THSD4: variants seen among roughly 807,000 people sequenced by gnomAD.
The protein encoded by THSD4 is thrombospondin type 1 domain containing 4.
Under a neutral mutation model 119.0 loss-of-function variants are expected in THSD4, and 69 were observed. The observed-to-expected ratio is 0.58, with a 90% CI of 0.48 to 0.71. The LOEUF (loss-of-function observed/expected upper bound fraction) is 0.71. Among genes scored for constraint, THSD4 ranks in the 30% least tolerant of loss-of-function variants. The pLI, the probability that THSD4 is intolerant of heterozygous loss-of-function variation, is 0.00. For missense variants in THSD4, 1,393 were observed against 1,391.1 expected, an observed-to-expected ratio of 1.00 and a Z score of -0.02; for synonymous variants, 524 against 540.4, an observed-to-expected ratio of 0.97 and a Z score of 0.42.
chr15:71,586,610 C>T (rs914007721), intron 7 of THSD4, among the ~76,000 whole-genome samples: 1 of 152,154 alleles, frequency 6.6e-6, no homozygotes, highest in African/African-American at 2.4e-5. Flanking sequence ...TACTTCAAAC[C>T]TGTGACCAGA....
intron 6 of THSD4, among the ~76,000 whole-genome samples, chr15:71,299,499 G>T (rs149685840): frequency 2.6e-4 from 40 of 152,324 alleles, no homozygotes; most frequent in African/African-American, 9.6e-4. Context: ...TATCTCACTT[G>T]TATGTGAAAT....
chr15:71,335,832 A>C (rs780770837), intron 6 of THSD4, among the ~76,000 whole-genome samples: 4 of 152,072 alleles, frequency 2.6e-5, no homozygotes, highest in Non-Finnish European at 5.9e-5. Flanking sequence ...TTTCCTGCAG[A>C]ATTAGGATGT....
chr15:71,672,108 T>C (rs1595850325), intron 8 of THSD4, among the ~76,000 whole-genome samples: 1 of 152,364 alleles, frequency 6.6e-6, no homozygotes, highest in African/African-American at 2.4e-5. Flanking sequence ...TGATTCTTCC[T>C]ATCCATGAGC....
In THSD4 at chr15:71,442,664, A is replaced by ATGTATG. The variant is rs1414242246; in HGVS notation, c.1152+30842_1152+30843insGTATGT. ...TGTATATGTGTGTGTGTGTGTGTAT[A>ATGTATG]TATATATATATATATATATATATAT... On this transcript the variant is annotated intron_variant, in intron 7 of 17. Transcript: ENST00000261862. Among the ~76,000 whole-genome samples, 12 of 33,466 alleles carry ATGTATG rather than the reference A, an allele frequency of 3.6e-4. 1 individual carries two copies. Among genetic ancestry groups the ATGTATG allele is most frequent in the Admixed American group, 1.1e-3 (3 of 2,854 alleles). The allele number at this position is 33,466 out of a possible 152,430, so 22.0% of individuals were successfully genotyped here.
At chr15:71,341,403 G>T in intron 6 of THSD4, 2 of 1,611,890 alleles carry the variant, frequency 1.2e-6, no homozygotes, top group Non-Finnish European at 1.7e-6. Context: ...AAACCCTTAA[G>T]TTCAGCATTA....
In THSD4 at chr15:71,384,638, CCTT is replaced by C. The variant is rs534858123; in HGVS notation, c.1016-27045_1016-27043del. On this transcript the variant is annotated intron_variant, in intron 6 of 17. Coordinates refer to ENST00000261862, the MANE Select transcript of THSD4 (RefSeq NM_024817.3). ...AAAAGAGGCAATAAAATTTTTGAAA[CCTT>C]CTTAGAAGCATCTGCACATCAATAG... Among the ~76,000 whole-genome samples, 391 of 152,258 alleles carry C rather than the reference CCTT, an allele frequency of 2.6e-3. 3 individuals carry two copies. Among genetic ancestry groups the C allele is most frequent in the Non-Finnish European group, 4.4e-3 (301 of 68,018 alleles).
intron 6 of THSD4, among the ~76,000 whole-genome samples, chr15:71,396,127 C>T (rs1288399355): frequency 1.3e-5 from 2 of 152,094 alleles, no homozygotes; most frequent in African/African-American, 4.8e-5. Context: ...GATGTGCACA[C>T]ACATATCTAC....
intron 16 of THSD4, among the ~76,000 whole-genome samples, chr15:71,766,380 AG>A (rs2053717623): frequency 6.6e-6 from 1 of 152,138 alleles, no homozygotes; most frequent in African/African-American, 2.4e-5. Context: ...AAGATCTTCA[AG>A]CAGAGGCTGT....
rs111877512 is a variant in THSD4 at position 71,676,627 on chromosome 15, C to T, written c.1357+15893C>T. ...AAGCTGTACTCAGTAAACAATAGCC[C>T]CCTTCTTTCCCCGTCCTCCAAGCCC... On this transcript the variant is annotated intron_variant, in intron 8 of 17. Transcript: ENST00000261862. Among the ~76,000 whole-genome samples, 1,443 of 152,168 alleles carry T rather than the reference C, an allele frequency of 9.5e-3. 23 individuals carry two copies. Among genetic ancestry groups the T allele is most frequent in the African/African-American group, 0.033 (1,368 of 41,518 alleles).
intron 7 of THSD4, among the ~76,000 whole-genome samples, chr15:71,443,430 A>AT (rs1393356536): frequency 1.1e-4 from 2 of 18,718 alleles, no homozygotes; most frequent in Non-Finnish European, 4.3e-4. Context: ...AGAAAAACAG[A>AT]TCCCTCTCTC....
At chr15:71,636,967 C>T (rs1403531065) in intron 7 of THSD4, among the ~76,000 whole-genome samples, 1 of 151,424 alleles carries the variant, frequency 6.6e-6, no homozygotes, top group East Asian at 2.0e-4. Flanking sequence ...TCACTACAGC[C>T]TCCACCTCCC....
At chr15:71,358,680 A>G (rs896845494) in intron 6 of THSD4, among the ~76,000 whole-genome samples, 1 of 152,212 alleles carries the variant, frequency 6.6e-6, no homozygotes, top group Non-Finnish European at 1.5e-5. Context: ...AAATGAAGTA[A>G]TACACGTAAA....
intron 3 of THSD4, among the ~76,000 whole-genome samples, chr15:71,211,577 C>T (rs1442458143): frequency 6.6e-6 from 1 of 152,074 alleles, no homozygotes; most frequent in East Asian, 1.9e-4. Context: ...TCCCAAAGGC[C>T]CCACCTCCAA....
At chr15:71,097,594 A>G (rs1263952840) in intron 1 of THSD4, among the ~76,000 whole-genome samples, 2 of 151,258 alleles carry the variant, frequency 1.3e-5, no homozygotes, top group Non-Finnish European at 2.9e-5. Flanking sequence ...CAACCAAATG[A>G]GACAACAAAG....
At chr15:71,670,735 A>G (rs2051508996) in intron 8 of THSD4, among the ~76,000 whole-genome samples, 1 of 151,408 alleles carries the variant, frequency 6.6e-6, no homozygotes, top group African/African-American at 2.4e-5. Context: ...TATGAGTGAG[A>G]ACATGCGGTG....
intron 7 of THSD4, among the ~76,000 whole-genome samples, chr15:71,412,104 G>C (rs549860182): frequency 6.6e-6 from 1 of 152,212 alleles, no homozygotes; most frequent in Non-Finnish European, 1.5e-5. Context: ...ATCTTTGCGA[G>C]TTGGATCTGG....
chr15:71,566,770 A>AT (rs2049249037), intron 7 of THSD4, among the ~76,000 whole-genome samples: 1 of 60,102 alleles, frequency 1.7e-5, no homozygotes, highest in Non-Finnish European at 3.3e-5. Context: ...TCCCCCTGCC[A>AT]TTCCCACTTG....
intron 11 of THSD4, among the ~76,000 whole-genome samples, chr15:71,741,399 A>G (rs1379968791): frequency 1.3e-5 from 2 of 152,246 alleles, no homozygotes; most frequent in East Asian, 3.9e-4. Flanking sequence ...AGGCTGAGGC[A>G]GGACAATTGC....
chr15:71,561,663 C>T lies in THSD4; in HGVS notation c.1153-98867C>T, dbSNP rs531653846. Among the ~76,000 whole-genome samples, 86 of 151,952 alleles carry T rather than the reference C, an allele frequency of 5.7e-4. 1 individual carries two copies. The highest frequency in any genetic ancestry group is 1.9e-3 in the African/African-American group (79 of 41,402). On this transcript the variant is annotated intron_variant, in intron 7 of 17. Coordinates refer to ENST00000261862, the MANE Select transcript of THSD4 (RefSeq NM_024817.3). ...ACCAAATCTGATGACCCACAGGCTC[C>T]GATTGGAGAGAAAGGAGAAGAAAAT...
Sources: gnomAD v4.1 joint callset for allele counts (sites outside exome capture counted in the v4.1 genomes callset) on GRCh38, gnomAD v4.1.1 for gene constraint, MANE v1.5 for transcripts, NCBI Gene and HGNC (gene_info 2026-07-23, HGNC 2026-07-21) for gene names.